Variants in JMJD1C observed in about 807,000 individuals in gnomAD.
JMJD1C encodes the protein jumonji domain-containing protein 1C.
Under a neutral mutation model 245.3 loss-of-function variants are expected in JMJD1C, and 31 were observed. That is an observed-to-expected ratio of 0.13 (90% CI 0.09 to 0.17). The LOEUF (loss-of-function observed/expected upper bound fraction) is 0.17. Among genes scored for constraint, JMJD1C ranks in the 10% least tolerant of loss-of-function variants. The pLI, the probability that JMJD1C is intolerant of heterozygous loss-of-function variation, is 1.00. For synonymous variants in JMJD1C, 1,057 were observed against 1,017.4 expected (o/e 1.04, Z -0.74); for missense variants, 2,691 against 3,000.2 (o/e 0.90, Z 2.41).
At chr10:63,343,976 T>C (rs1442764818) in intron 2 of JMJD1C, among the ~76,000 whole-genome samples, 1 of 152,112 alleles carries the variant, frequency 6.6e-6, no homozygotes, top group African/African-American at 2.4e-5. Flanking sequence ...AGGTCAAGCA[T>C]GCAGTGAGCC....
At chr10:63,215,519 T>C in intron 6 of JMJD1C, 34 bp downstream of exon 6, 1 of 1,607,598 alleles carries the variant, frequency 6.2e-7, no homozygotes, top group Non-Finnish European at 8.5e-7. Context: ...AGGAAAAATA[T>C]TTTACAGAAA....
chr10:63,193,133 T>C lies in JMJD1C; in HGVS notation c.5881A>G (p.Asn1961Asp). 1 of 1,612,836 alleles carries C rather than the reference T, an allele frequency of 6.2e-7. No homozygotes were observed. ...GVSQVLQNVL[N>D]HSNKISLCMP... Reference sequence around the variant, plus strand: ...CACAGAGAAATTTTATTACTGTGATTAAGAACATTCTGTAAAACCTACAAA... The same window carrying C: ...CACAGAGAAATTTTATTACTGTGATCAAGAACATTCTGTAAAACCTACAAA... The change falls in exon 16 of 26, where the codon AAT becomes GAT. Residue 1961 changes from asparagine (N) to aspartate (D), a missense_variant. By Grantham distance (23) the Asn-to-Asp change is conservative. Transcript: ENST00000399262.
chr10:63,205,186 T>C (rs931788858), intron 10 of JMJD1C, among the ~76,000 whole-genome samples: 3 of 152,202 alleles, frequency 2.0e-5, no homozygotes, highest in African/African-American at 7.2e-5. Flanking sequence ...AATATGGCAA[T>C]TCTTTAACAT....
intron 10 of JMJD1C, among the ~76,000 whole-genome samples, chr10:63,201,000 C>G (rs1259795488): frequency 6.6e-6 from 1 of 152,142 alleles, no homozygotes; most frequent in Admixed American, 6.5e-5. Flanking sequence ...CATTCATATT[C>G]TGTGTATATC....
chr10:63,498,159 A>C (rs1240778146), intron 1 of JMJD1C, among the ~76,000 whole-genome samples: 1 of 152,184 alleles, frequency 6.6e-6, no homozygotes. Flanking sequence ...ATGACTAAAA[A>C]ATAGCAAGTC....
rs559070793 is a variant in JMJD1C at position 63,489,202 on chromosome 10, C to A, written n.113+32536G>T. Reference sequence around the variant, plus strand: ...ATCACCTGAGGTCAGGAGTTTGAGACCTGCCTGGCCAAAATGGCGATACCC... The same window carrying A: ...ATCACCTGAGGTCAGGAGTTTGAGAACTGCCTGGCCAAAATGGCGATACCC... On this transcript the variant is annotated intron_variant and non_coding_transcript_variant, in intron 1 of 3. Coordinates refer to the JMJD1C transcript ENST00000633035. Among the ~76,000 whole-genome samples the A allele has an allele frequency of 1.6e-3, 248 of 152,236 alleles. 2 individuals are homozygous for A. Among genetic ancestry groups the A allele is most frequent in the African/African-American group, 5.8e-3 (239 of 41,546 alleles).
Position 63,253,353 on chromosome 10 carries a change from T to C in JMJD1C, c.447+11298A>G, listed in dbSNP as rs368747547. Reference sequence around the variant, plus strand: ...GTGCTGGGGAAACTGGATATTCACATGCAAAACAATGAAACTGGACCTTTA... The same window carrying C: ...GTGCTGGGGAAACTGGATATTCACACGCAAAACAATGAAACTGGACCTTTA... On this transcript the variant is annotated intron_variant, in intron 3 of 25. Transcript: ENST00000399262. 1.5e-4 allele frequency among the ~76,000 whole-genome samples: 22 copies of C among 151,326 alleles called. No homozygotes were observed. In the East Asian group the frequency reaches 2.9e-3, roughly 20 times the overall value.
intron 8 of JMJD1C, among the ~76,000 whole-genome samples, chr10:63,212,913 C>T (rs948648115): frequency 2.7e-5 from 4 of 150,610 alleles, no homozygotes; most frequent in South Asian, 2.1e-4. Context: ...ATTAGCCGGG[C>T]GCGGTGGCTC....
chr10:63,349,428 G>A (rs938769326), intron 2 of JMJD1C, among the ~76,000 whole-genome samples: 2 of 152,184 alleles, frequency 1.3e-5, no homozygotes, highest in Non-Finnish European at 2.9e-5. Context: ...TGATGTTCAA[G>A]ATATTGTGCT....
In JMJD1C at chr10:63,427,252, G is replaced by A. The variant is rs925583344; in HGVS notation, c.168+38243C>T. ...CCCCGCGTGTCTCCCAGAAGGCGGTGAACACCTGGTCCCAGGAACTCTGGA... is the reference window on the plus strand; with the variant it reads ...CCCCGCGTGTCTCCCAGAAGGCGGTAAACACCTGGTCCCAGGAACTCTGGA... On this transcript the variant is annotated intron_variant, in intron 1 of 25. Coordinates refer to ENST00000399262, the MANE Select transcript of JMJD1C (RefSeq NM_032776.3). 2.9e-5 allele frequency: 5 copies of A among 173,788 alleles called. 1 individual carries two copies. Among genetic ancestry groups the A allele is most frequent in the South Asian group, 2.5e-4 (2 of 8,156 alleles). 10.8% of individuals were successfully genotyped at this position (173,788 alleles called of 1,614,324 possible). A position where few individuals can be genotyped will look rare whatever the true frequency, so the allele number is the denominator to read the frequency against.
chr10:63,370,834 C>A (rs952563165), intron 2 of JMJD1C, among the ~76,000 whole-genome samples: 1 of 152,122 alleles, frequency 6.6e-6, no homozygotes, highest in Non-Finnish European at 1.5e-5. Flanking sequence ...AAGAAGACTA[C>A]CTCCAAAATA....
At chr10:63,336,112 C>A (rs546204689) in intron 2 of JMJD1C, among the ~76,000 whole-genome samples, 4 of 151,982 alleles carry the variant, frequency 2.6e-5, no homozygotes, top group African/African-American at 9.6e-5. Context: ...CAGAGTGAGA[C>A]CCTGTCTCAA....
chr10:63,310,273 G>T (rs1938987865), intron 2 of JMJD1C, among the ~76,000 whole-genome samples: 1 of 151,814 alleles, frequency 6.6e-6, no homozygotes, highest in Admixed American at 6.6e-5. Context: ...ATCTCAAAGG[G>T]GTTCCTTCTT....
intron 2 of JMJD1C, among the ~76,000 whole-genome samples, chr10:63,374,417 TA>T (rs1388826237): frequency 1.3e-5 from 2 of 152,156 alleles, no homozygotes; most frequent in African/African-American, 4.8e-5. Flanking sequence ...TAAAACAAGA[TA>T]AACTGCAAAT....
At position 63,464,556 on chromosome 10, in the gene JMJD1C, C is replaced by T. The variant is rs147207117; in HGVS notation, c.168+939G>A. On this transcript the variant is annotated intron_variant, in intron 1 of 25. Coordinates refer to ENST00000399262, the MANE Select transcript of JMJD1C (RefSeq NM_032776.3). ...CAACCTTTGGAAGTCTAGTCCATGT[C>T]TTGTCTCTACTCCGCCCCTTACCTT... 2.5e-3 allele frequency among the ~76,000 whole-genome samples: 384 copies of T among 152,278 alleles called. 1 individual carries two copies. The highest frequency in any genetic ancestry group is 0.017 in the Middle Eastern group (5 of 294).
chr10:63,484,898 T>C (rs1589819174), intron 1 of JMJD1C, among the ~76,000 whole-genome samples: 1 of 151,886 alleles, frequency 6.6e-6, no homozygotes, highest in East Asian at 1.9e-4. Context: ...ATTCCACTAC[T>C]GCAAGGCCCT....
intron 2 of JMJD1C, among the ~76,000 whole-genome samples, chr10:63,302,102 G>A (rs1290144733): frequency 2.6e-5 from 4 of 152,012 alleles, no homozygotes; most frequent in East Asian, 1.9e-4. Flanking sequence ...CTGCAGCCTC[G>A]AACTCCTGGG....
intron 1 of JMJD1C, among the ~76,000 whole-genome samples, chr10:63,484,658 C>T (rs1185798885): frequency 6.6e-6 from 1 of 151,434 alleles, no homozygotes; most frequent in Non-Finnish European, 1.5e-5. Flanking sequence ...AAAAAAAAGG[C>T]AAGAATAGAT....
At position 63,335,822 on chromosome 10, in the gene JMJD1C, T is replaced by TA. The variant is rs533283891; in HGVS notation, c.333+44495dup. Among the ~76,000 whole-genome samples, 599 of 144,398 alleles carry TA rather than the reference T, an allele frequency of 4.1e-3. 4 individuals are homozygous for TA. The highest frequency in any genetic ancestry group is 0.024 in the East Asian group (118 of 4,834). The allele number at this position is 144,398 out of a possible 152,430, so 94.7% of individuals were successfully genotyped here. On this transcript the variant is annotated intron_variant, in intron 2 of 25. Coordinates refer to ENST00000399262, the MANE Select transcript of JMJD1C (RefSeq NM_032776.3). ...CACGGCGCCTGGCATAATATTTTCCTAAAAAAAAAACACTTTGGCTGGGCA... is the reference window on the plus strand; with the variant it reads ...CACGGCGCCTGGCATAATATTTTCCTAAAAAAAAAAACACTTTGGCTGGGCA...
Sources: allele counts gnomAD v4.1 joint callset (sites outside exome capture counted in the v4.1 genomes callset), GRCh38; gene constraint gnomAD v4.1.1; transcripts MANE v1.5; gene names NCBI Gene and HGNC (gene_info 2026-07-23, HGNC 2026-07-21).